The following LRP1B variants were observed in gnomAD, a reference collection of about 807,000 sequenced individuals.
LRP1B encodes LDL receptor related protein 1B, also known as low-density lipoprotein receptor-related protein 1B.
In LRP1B, 217 loss-of-function variants were observed where a neutral mutation model predicts 556.6. That is an observed-to-expected ratio of 0.39 (90% CI 0.35 to 0.44). The LOEUF is 0.44. Ranked by LOEUF, LRP1B falls within the 20% of genes least tolerant of loss-of-function variation. LRP1B has a pLI of 1.00. For synonymous variants in LRP1B, 2,047 were observed against 1,865.8 expected (o/e 1.10, Z -2.50); for missense variants, 5,053 against 5,620.8 (o/e 0.90, Z 3.23).
chr2:141,523,764 TGTTA>T (rs1684604271), intron 2 of LRP1B, among the ~76,000 whole-genome samples: 1 of 152,286 alleles, frequency 6.6e-6, no homozygotes, highest in African/African-American at 2.4e-5. Context: ...AAGGACACTT[TGTTA>T]GTGTCAGGCA....
At chr2:141,579,528 AT>A (rs1677372071) in intron 2 of LRP1B, among the ~76,000 whole-genome samples, 1 of 152,130 alleles carries the variant, frequency 6.6e-6, no homozygotes, top group African/African-American at 2.4e-5. Flanking sequence ...GAACGATTGC[AT>A]TAATATGGCA....
chr2:141,107,226 G>A (rs1478785576), intron 7 of LRP1B, among the ~76,000 whole-genome samples: 1 of 151,988 alleles, frequency 6.6e-6, no homozygotes, highest in Non-Finnish European at 1.5e-5. Context: ...TTTTTATGTG[G>A]TGTTTTAAAT....
chr2:141,215,841 G>A (rs58065886), intron 6 of LRP1B, among the ~76,000 whole-genome samples: 18,172 of 152,174 alleles, frequency 0.12, 1,967 homozygotes, highest in African/African-American at 0.29. Context: ...ATGAGTTAAC[G>A]TTGGAATTTG....
At chr2:140,353,434 TG>T (rs1401581605) in intron 75 of LRP1B, among the ~76,000 whole-genome samples, 1 of 152,074 alleles carries the variant, frequency 6.6e-6, no homozygotes, top group African/African-American at 2.4e-5. Context: ...ACTTGTGCCA[TG>T]GGGGTTTGTT....
chr2:141,731,097 A>T (rs1224897599), intron 2 of LRP1B, among the ~76,000 whole-genome samples: 1 of 152,136 alleles, frequency 6.6e-6, no homozygotes, highest in Non-Finnish European at 1.5e-5. Context: ...GCTGCCCCAA[A>T]CAAAGACCAT....
chr2:141,015,125 C>A (rs371842168), intron 13 of LRP1B, among the ~76,000 whole-genome samples: 27 of 152,090 alleles, frequency 1.8e-4, no homozygotes, highest in African/African-American at 6.0e-4. Context: ...GTCAACTATG[C>A]CTCTGTCTCA....
At chr2:140,443,908 T>C (rs1279585558) in intron 65 of LRP1B, among the ~76,000 whole-genome samples, 3 of 152,178 alleles carry the variant, frequency 2.0e-5, no homozygotes, top group East Asian at 3.9e-4. Flanking sequence ...TCTTCATGAG[T>C]GCAACATGTA....
intron 2 of LRP1B, among the ~76,000 whole-genome samples, chr2:141,583,027 G>A (rs1687006163): frequency 6.6e-6 from 1 of 151,476 alleles, no homozygotes; most frequent in Non-Finnish European, 1.5e-5. Flanking sequence ...TAGTAGAGAG[G>A]GGGTTTCACC....
chr2:141,547,662 T>C (rs1216312447), intron 2 of LRP1B, among the ~76,000 whole-genome samples: 6 of 152,294 alleles, frequency 3.9e-5, no homozygotes, highest in Admixed American at 3.9e-4. Context: ...TTGGTTCATG[T>C]GTCCCGTGCA....
rs188672950 is a variant in LRP1B, at chr2:141,484,910, T to A, written c.206-4377A>T. ...AATATACAATCATGCAAGATTTTTTTAAAAGTGATTCATGTGTTGGCTCAA... is the reference window on the plus strand; with the variant it reads ...AATATACAATCATGCAAGATTTTTTAAAAAGTGATTCATGTGTTGGCTCAA... On this transcript the variant is annotated intron_variant, in intron 2 of 90. Transcript: ENST00000389484. 3.2e-3 allele frequency among the ~76,000 whole-genome samples: 493 copies of A among 152,258 alleles called. 5 individuals carry two copies. Among genetic ancestry groups the A allele is most frequent in the African/African-American group, 9.7e-3 (405 of 41,542 alleles).
intron 1 of LRP1B, among the ~76,000 whole-genome samples, chr2:141,833,146 T>A (rs1026215275): frequency 6.6e-6 from 1 of 151,712 alleles, no homozygotes; most frequent in African/African-American, 2.4e-5. Context: ...TGCAGTTAAA[T>A]CAACTGAATT....
At chr2:140,556,404 T>A (rs1483192660) in intron 43 of LRP1B, among the ~76,000 whole-genome samples, 1 of 151,950 alleles carries the variant, frequency 6.6e-6, no homozygotes. Context: ...CCTTACTAAG[T>A]TCCCCCCACA....
At chr2:140,288,137 T>C (rs1022671571) in intron 84 of LRP1B, among the ~76,000 whole-genome samples, 3 of 87,026 alleles carry the variant, frequency 3.4e-5, no homozygotes, top group African/African-American at 4.5e-5. Context: ...AACATATACA[T>C]TTAAAATTTG....
chr2:141,149,209 TG>T (rs1335829403), intron 7 of LRP1B, among the ~76,000 whole-genome samples: 6 of 152,142 alleles, frequency 3.9e-5, no homozygotes, highest in Non-Finnish European at 8.8e-5. Flanking sequence ...TGTTTTGTTT[TG>T]TTTTTTTGGT....
intron 2 of LRP1B, among the ~76,000 whole-genome samples, chr2:141,541,123 ATTAAAAGAAAGTCAATAGG>A (rs1559129177): frequency 2.0e-5 from 3 of 152,024 alleles, no homozygotes; most frequent in Non-Finnish European, 4.4e-5. Context: ...CTCCTTAATT[ATTAAAAGAAAGTCAATAGG>A]TTATGGAGGA....
chr2:140,452,961 G>GTGTT (rs1553467919), intron 62 of LRP1B, among the ~76,000 whole-genome samples: 1 of 126,666 alleles, frequency 7.9e-6, no homozygotes, highest in East Asian at 2.3e-4. Flanking sequence ...GTGTGTGTGT[G>GTGTT]TTTTTTTTTT....
At chr2:141,814,435 G>A (rs535779555) in intron 1 of LRP1B, among the ~76,000 whole-genome samples, 4 of 152,136 alleles carry the variant, frequency 2.6e-5, no homozygotes, top group Non-Finnish European at 5.9e-5. Flanking sequence ...TGGCTACTAT[G>A]TTGAGAATAT....
intron 15 of LRP1B, 107 bp downstream of exon 15, chr2:141,005,228 T>C (rs1007626131): frequency 2.5e-6 from 3 of 1,204,558 alleles, no homozygotes; most frequent in African/African-American, 3.1e-5. Context: ...TAAATAATTA[T>C]CTGAATTTCT....
At chr2:141,736,047 C>T (rs1574300556) in intron 2 of LRP1B, among the ~76,000 whole-genome samples, 2 of 152,234 alleles carry the variant, frequency 1.3e-5, no homozygotes, top group African/African-American at 4.8e-5. Flanking sequence ...GTTTGTGATG[C>T]TGGAGACACT....
Sources: gnomAD v4.1 joint callset for allele counts (sites outside exome capture counted in the v4.1 genomes callset) on GRCh38, gnomAD v4.1.1 for gene constraint, MANE v1.5 for transcripts, NCBI Gene and HGNC (gene_info 2026-07-23, HGNC 2026-07-21) for gene names.